The following LRRTM4 variants were observed in gnomAD, a reference collection of about 807,000 sequenced individuals.
The protein encoded by LRRTM4 is leucine rich repeat transmembrane neuronal 4, also known as leucine-rich repeat transmembrane neuronal protein 4.
Under a neutral mutation model 47.6 loss-of-function variants are expected in LRRTM4, and 25 were observed. The observed-to-expected ratio is 0.53, with a 90% CI of 0.38 to 0.73. The LOEUF (loss-of-function observed/expected upper bound fraction) is 0.73, where lower values mean the gene tolerates loss of function less well. Among genes scored for constraint, LRRTM4 ranks in the 30% least tolerant of loss-of-function variants. The probability of loss-of-function intolerance (pLI) is 0.00; values close to 1 mark genes in which losing one functional copy is unlikely to be tolerated. For synonymous variants in LRRTM4, 311 were observed against 269.5 expected, an observed-to-expected ratio of 1.15 and a Z score of -1.51; for missense variants, 638 against 713.4, an observed-to-expected ratio of 0.89 and a Z score of 1.20.
At chr2:77,197,380 T>G (rs1449829101) in intron 3 of LRRTM4, among the ~76,000 whole-genome samples, 1 of 152,146 alleles carries the variant, frequency 6.6e-6, no homozygotes, top group Non-Finnish European at 1.5e-5. Context: ...TACAAAAAAG[T>G]AAAATATGAT....
At chr2:77,515,434 C>T (rs529156427) in intron 3 of LRRTM4, among the ~76,000 whole-genome samples, 33 of 151,724 alleles carry the variant, frequency 2.2e-4, no homozygotes, top group African/African-American at 7.7e-4. Context: ...ATATTGTAAC[C>T]ATATTTAGGT....
At chr2:77,139,092 A>G (rs531351463) in intron 3 of LRRTM4, among the ~76,000 whole-genome samples, 1 of 152,314 alleles carries the variant, frequency 6.6e-6, no homozygotes, top group African/African-American at 2.4e-5. Flanking sequence ...CAATCAATAG[A>G]AAAAGAAGGA....
At chr2:77,490,201 G>C (rs1466878943) in intron 3 of LRRTM4, among the ~76,000 whole-genome samples, 2 of 151,776 alleles carry the variant, frequency 1.3e-5, no homozygotes, top group African/African-American at 2.4e-5. Context: ...AGTGAGCCGA[G>C]ACCGCACCAC....
intron 3 of LRRTM4, among the ~76,000 whole-genome samples, chr2:77,124,025 A>G (rs1342148960): frequency 6.6e-6 from 1 of 152,166 alleles, no homozygotes; most frequent in African/African-American, 2.4e-5. Context: ...GTAAGAAGCT[A>G]AGGATCAGTA....
chr2:77,380,829 T>C (rs1200183246), intron 3 of LRRTM4, among the ~76,000 whole-genome samples: 1 of 151,488 alleles, frequency 6.6e-6, no homozygotes, highest in Non-Finnish European at 1.5e-5. Flanking sequence ...TACGGTACAC[T>C]ATATAATTAA....
At chr2:76,766,425 G>C (rs375630435) in intron 3 of LRRTM4, among the ~76,000 whole-genome samples, 1 of 152,112 alleles carries the variant, frequency 6.6e-6, no homozygotes, top group African/African-American at 2.4e-5. Flanking sequence ...AAAGGACCAC[G>C]ACTACTGAAA....
At chr2:76,863,774 T>G in intron 3 of LRRTM4, among the ~76,000 whole-genome samples, 1 of 152,216 alleles carries the variant, frequency 6.6e-6, no homozygotes, top group East Asian at 1.9e-4. Context: ...TTTTACATGT[T>G]TATTACCAGT....
Position 77,102,722 on chromosome 2 carries a change from G to A in LRRTM4, c.1552-353806C>T, listed in dbSNP as rs77875159. 5.6e-3 allele frequency among the ~76,000 whole-genome samples: 854 copies of A among 152,252 alleles called. 1 individual carries two copies. Among genetic ancestry groups the A allele is most frequent in the Middle Eastern group, 0.014 (4 of 294 alleles). The stretch of plus-strand genomic sequence containing the variant: ...TAAGAAACTCTGGAGTTATTGGGCT[G>A]ACTCATGAAATTCTCAATGCAAAGA... On this transcript the variant is annotated intron_variant, in intron 3 of 3. Coordinates refer to ENST00000409884, the MANE Select transcript of LRRTM4 (RefSeq NM_001134745.3).
At chr2:77,517,113 T>A (rs1297797268) in intron 3 of LRRTM4, 1 of 985,054 alleles carries the variant, frequency 1.0e-6, no homozygotes, top group Non-Finnish European at 1.2e-6. Flanking sequence ...TTGCACATAA[T>A]GATCAACATT....
At chr2:77,153,085 T>C (rs559225918) in intron 3 of LRRTM4, among the ~76,000 whole-genome samples, 2 of 152,304 alleles carry the variant, frequency 1.3e-5, no homozygotes, top group South Asian at 4.1e-4. Flanking sequence ...CCACCCTACT[T>C]ACAGATATTT....
chr2:77,179,699 T>A (rs910870400), intron 3 of LRRTM4, among the ~76,000 whole-genome samples: 2 of 152,126 alleles, frequency 1.3e-5, no homozygotes, highest in Non-Finnish European at 2.9e-5. Flanking sequence ...GGAAAAAAGA[T>A]GAGAATAAGA....
chr2:77,250,204 T>C (rs1675566063), intron 3 of LRRTM4, among the ~76,000 whole-genome samples: 1 of 152,112 alleles, frequency 6.6e-6, no homozygotes, highest in African/African-American at 2.4e-5. Flanking sequence ...AGAAGATGTG[T>C]AGGGCAGTGA....
At chr2:76,924,397 T>C (rs994440874) in intron 3 of LRRTM4, among the ~76,000 whole-genome samples, 1 of 152,062 alleles carries the variant, frequency 6.6e-6, no homozygotes, top group African/African-American at 2.4e-5. Flanking sequence ...TTTGGCTCAT[T>C]AGAGCCAGGA....
intron 3 of LRRTM4, among the ~76,000 whole-genome samples, chr2:77,120,140 A>G (rs1448255289): frequency 8.6e-5 from 13 of 151,788 alleles, no homozygotes. Context: ...TAGGAGCTAT[A>G]AGATTGGAAA....
At chr2:77,419,279 A>G (rs1178875561) in intron 3 of LRRTM4, among the ~76,000 whole-genome samples, 1 of 152,200 alleles carries the variant, frequency 6.6e-6, no homozygotes, top group East Asian at 1.9e-4. Flanking sequence ...GCTAAGAAAC[A>G]TTAATGCTGT....
chr2:77,280,357 G>GT (rs1676476569), intron 3 of LRRTM4, among the ~76,000 whole-genome samples: 1 of 152,000 alleles, frequency 6.6e-6, no homozygotes, highest in Non-Finnish European at 1.5e-5. Flanking sequence ...CTACAGAAAT[G>GT]TAAGAGAATA....
chr2:77,329,080 C>T (rs566737085), intron 3 of LRRTM4, among the ~76,000 whole-genome samples: 3 of 152,170 alleles, frequency 2.0e-5, no homozygotes, highest in Non-Finnish European at 4.4e-5. Flanking sequence ...CCTGAGCTTA[C>T]AGTACTTAAG....
chr2:77,037,877 TAC>T (rs1012607245), intron 3 of LRRTM4, among the ~76,000 whole-genome samples: 1 of 151,714 alleles, frequency 6.6e-6, no homozygotes, highest in Admixed American at 6.6e-5. Context: ...TGGTAGGAAG[TAC>T]ACATTTATCT....
At position 76,919,552 on chromosome 2, in the gene LRRTM4, G is replaced by C. The variant is rs1354097367; in HGVS notation, c.1552-170636C>G. On this transcript the variant is annotated intron_variant, in intron 3 of 3. Coordinates refer to ENST00000409884, the MANE Select transcript of LRRTM4 (RefSeq NM_001134745.3). ...TTGACTATGTAAGGATATGATGTTT[G>C]AAGCTGCGGCCCTCATCCTGTGACT... Among the ~76,000 whole-genome samples, 3 of 152,122 alleles carry C rather than the reference G, an allele frequency of 2.0e-5. No homozygotes were observed. The East Asian group carries it at 5.8e-4, about 29-fold the overall frequency.
Sources: gnomAD v4.1 joint callset for allele counts (sites outside exome capture counted in the v4.1 genomes callset) on GRCh38, gnomAD v4.1.1 for gene constraint, MANE v1.5 for transcripts, NCBI Gene and HGNC (gene_info 2026-07-23, HGNC 2026-07-21) for gene names.